TMEM237: variants seen among roughly 807,000 people sequenced by gnomAD.
TMEM237 encodes transmembrane protein 237.
TMEM237 carries 51 observed loss-of-function variants against 59.1 expected under a neutral mutation model. That is an observed-to-expected ratio of 0.86 (90% CI 0.69 to 1.09). The LOEUF (loss-of-function observed/expected upper bound fraction) is 1.09. TMEM237 is among the 50% of genes least tolerant of loss of function. The pLI, the probability that TMEM237 is intolerant of heterozygous loss-of-function variation, is 0.00. For missense variants in TMEM237, 475 were observed against 478.3 expected (o/e 0.99, Z 0.06); for synonymous variants, 140 against 166.1 (o/e 0.84, Z 1.21).
chr2:201,642,709 G>C (rs1687452008), intron 1 of TMEM237: 1 of 1,568,026 alleles, frequency 6.4e-7, no homozygotes, highest in African/African-American at 1.4e-5. Flanking sequence ...GCGCGCAGGC[G>C]CAATGCGTCA....
chr2:201,638,766 C>T, intron 4 of TMEM237: 1 of 555,268 alleles, frequency 1.8e-6, no homozygotes, highest in Non-Finnish European at 3.2e-6. Context: ...GATGGCACCA[C>T]CTTCTATTCC....
At chr2:201,629,565 A>G in intron 8 of TMEM237, 144 bp from the exon 9 acceptor site, 1 of 1,266,198 alleles carries the variant, frequency 7.9e-7, no homozygotes, top group Non-Finnish European at 1.1e-6. Flanking sequence ...TTACACTGAT[A>G]GGTAGATCAC....
At chr2:201,627,461 TTTA>T in intron 10 of TMEM237, 47 bp from the exon 11 acceptor site, 1 of 1,281,136 alleles carries the variant, frequency 7.8e-7, no homozygotes. Flanking sequence ...AACAACCTGG[TTTA>T]TTTTGAATTT....
chr2:201,643,054 C>T lies in TMEM237; in HGVS notation c.42+305G>A. The T allele has an allele frequency of 6.6e-6, 8 of 1,216,978 alleles. No homozygotes were observed. Among genetic ancestry groups the T allele is most frequent in the Non-Finnish European group, 8.5e-6 (8 of 943,346 alleles). 75.4% of individuals were successfully genotyped at this position (1,216,978 alleles called of 1,614,324 possible). On this transcript the variant is annotated intron_variant, in intron 1 of 12. Coordinates refer to ENST00000409883, the MANE Select transcript of TMEM237 (RefSeq NM_001044385.3). The surrounding 1 kb of genome is among the most constrained non-coding windows in gnomAD (Gnocchi z 4.3). ...AGTCTAGGAGAGGCCTGGCTGGAAG[C>T]CCCGGCACCCGCCGGGCCCCGGGCC... is the stretch of plus-strand genomic sequence containing the variant.
intron 4 of TMEM237, among the ~76,000 whole-genome samples, chr2:201,638,287 C>A (rs1168802461): frequency 2.0e-5 from 3 of 152,108 alleles, no homozygotes; most frequent in African/African-American, 7.2e-5. Context: ...GCAGCAACCA[C>A]AGAAACCTTT....
chr2:201,638,920 T>A (rs892426509), intron 4 of TMEM237, 69 bp downstream of exon 4: 11 of 1,436,620 alleles, frequency 7.7e-6, no homozygotes, highest in Admixed American at 6.4e-5. Context: ...CTCCCTTATC[T>A]GTGATGTTTA....
Position 201,643,288 on chromosome 2 carries a change from A to ACCCCCC in TMEM237, c.42+70_42+71insGGGGGG. The ACCCCCC allele has an allele frequency of 9.1e-7, 1 of 1,098,330 alleles. No homozygotes were observed. 68.0% of individuals were successfully genotyped at this position (1,098,330 alleles called of 1,614,324 possible). On this transcript the variant is annotated intron_variant, in intron 1 of 12. Transcript: ENST00000409883. The surrounding 1 kb of genome is among the most constrained non-coding windows in gnomAD (Gnocchi z 4.3). ...AGCTCGTTGGCGCCCCCCCACACAC[A>ACCCCCC]CCCACCCCCACTGCCAAGTGTAGCT...
intron 4 of TMEM237, among the ~76,000 whole-genome samples, chr2:201,637,148 G>A (rs1383268113): frequency 6.6e-6 from 1 of 152,150 alleles, no homozygotes; most frequent in African/African-American, 2.4e-5. Flanking sequence ...AGGAGGAGGA[G>A]AAATTGCTTC....
chr2:201,643,088 G>T lies in TMEM237; in HGVS notation c.42+271C>A. On this transcript the variant is annotated intron_variant, in intron 1 of 12. Coordinates refer to ENST00000409883, the MANE Select transcript of TMEM237 (RefSeq NM_001044385.3). The surrounding 1 kb of genome is among the most constrained non-coding windows in gnomAD (Gnocchi z 4.3). ...CCGCCGGGCCCCGGGCCTCAGATGA[G>T]TGAGGCGTCGTCGTGGCAACGCGGG... 1 of 1,016,554 alleles carries T rather than the reference G, an allele frequency of 9.8e-7. No homozygotes were observed. Among genetic ancestry groups the T allele is most frequent in the Non-Finnish European group, 1.3e-6 (1 of 749,282 alleles). The allele number at this position is 1,016,554 out of a possible 1,614,324, so 63.0% of individuals were successfully genotyped here.
intron 1 of TMEM237, among the ~76,000 whole-genome samples, chr2:201,641,258 G>A (rs975271039): frequency 6.6e-6 from 1 of 152,262 alleles, no homozygotes; most frequent in African/African-American, 2.4e-5. Context: ...TCTGAAAGTG[G>A]TGGGATTATA....
Position 201,633,349 on chromosome 2 carries a change from A to AGCTG in TMEM237, c.353_356dup (p.Glu120SerfsTer2). 1 of 1,598,382 alleles carries AGCTG rather than the reference A, an allele frequency of 6.3e-7. No individual in the cohort carries two copies. Among genetic ancestry groups the AGCTG allele is most frequent in the Admixed American group, 1.7e-5 (1 of 58,124 alleles). On this transcript the variant is annotated frameshift_variant, in exon 6 of 13. Coordinates refer to ENST00000409883, the MANE Select transcript of TMEM237 (RefSeq NM_001044385.3). LOFTEE classifies it high-confidence loss of function. ...GAGGTTTTTGAATAACTGCCTCCTC[A>AGCTG]GCTGGCTCCGCATCAATACCATTTT...
intron 5 of TMEM237, among the ~76,000 whole-genome samples, chr2:201,634,024 G>T (rs1181102068): frequency 6.6e-6 from 1 of 152,226 alleles, no homozygotes; most frequent in African/African-American, 2.4e-5. Context: ...AAGGGAAACA[G>T]ATGTTCAGCA....
Position 201,627,437 on chromosome 2 carries a change from T to G in TMEM237, c.944-23A>C, listed in dbSNP as rs199933577. ...ACACTGAGAAAAAGACAAATGAAAT[T>G]ACTAATAATTTTTAACAACCTGGTT... On this transcript the variant is annotated intron_variant, in intron 10 of 12. Coordinates refer to ENST00000409883, the MANE Select transcript of TMEM237 (RefSeq NM_001044385.3). The G allele has an allele frequency of 6.8e-4, 1,001 of 1,463,644 alleles. 1 individual carries two copies. The highest frequency in any genetic ancestry group is 1.4e-3 in the Admixed American group (69 of 49,374). 90.7% of individuals were successfully genotyped at this position (1,463,644 alleles called of 1,614,324 possible). A position where few individuals can be genotyped will look rare whatever the true frequency, so the allele number is the denominator to read the frequency against.
chr2:201,625,231 G>A (rs931962822), intron 12 of TMEM237, among the ~76,000 whole-genome samples: 75 of 151,838 alleles, frequency 4.9e-4, no homozygotes, highest in African/African-American at 1.4e-3. Context: ...GCGTGGTGGC[G>A]GGCGCCTGTA....
chr2:201,638,024 T>G (rs772924712), intron 4 of TMEM237, among the ~76,000 whole-genome samples: 3 of 152,216 alleles, frequency 2.0e-5, no homozygotes, highest in Non-Finnish European at 4.4e-5. Context: ...GCAATTCCAC[T>G]GCTAGCAATC....
intron 12 of TMEM237, 126 bp downstream of exon 12, chr2:201,625,900 G>A (rs1045981401): frequency 2.8e-5 from 29 of 1,023,986 alleles, no homozygotes; most frequent in South Asian, 1.0e-4. Flanking sequence ...CTCTCTTCTT[G>A]TATCATTTTA....
In TMEM237 at chr2:201,622,798, CATT is replaced by C. The variant is rs1957720554; in HGVS notation, c.*1454_*1456del. On this transcript the variant is annotated 3_prime_UTR_variant, in exon 13 of 13. Transcript: ENST00000409883. ...TTAGGACATGGACATCTTTAGGAGACATTATGCAGCCTACCACAATCCCCCACA... is the reference window on the plus strand; with the variant it reads ...TTAGGACATGGACATCTTTAGGAGACATGCAGCCTACCACAATCCCCCACA... The C allele has an allele frequency of 6.5e-6, 1 of 153,520 alleles. No individual in the cohort carries two copies. The highest frequency in any genetic ancestry group is 2.4e-5 in the African/African-American group (1 of 41,468). 9.5% of individuals were successfully genotyped at this position (153,520 alleles called of 1,614,324 possible).
At chr2:201,636,235 T>A (rs1687294982) in intron 5 of TMEM237, 1 of 152,342 alleles carries the variant, frequency 6.6e-6, no homozygotes, top group South Asian at 2.1e-4. Context: ...ACAGGCTGTA[T>A]CTATGCTCCT....
rs1319201699 is a variant in TMEM237, at chr2:201,643,370, C to T, written c.31G>A (p.Glu11Lys). MRTDSGARLE[E>K]GHLRPPRALP... Reference sequence around the variant, plus strand: ...CCCTCGCCGCTCACCAGGTGGCCCTCCTCCAGCCGAGCCCCCGAGTCAGTC... The same window carrying T: ...CCCTCGCCGCTCACCAGGTGGCCCTTCTCCAGCCGAGCCCCCGAGTCAGTC... The change falls in exon 1 of 13, where the codon GAG (glutamate) becomes AAG (lysine). Residue 11 changes from glutamate to lysine, a missense_variant. Glu to Lys is a moderately conservative substitution (Grantham distance 56). Transcript: ENST00000409883. The surrounding 1 kb of genome is among the most constrained non-coding windows in gnomAD (Gnocchi z 4.3). 2 of 1,546,642 alleles carry T rather than the reference C, an allele frequency of 1.3e-6. No individual in the cohort carries two copies. Among genetic ancestry groups the T allele is most frequent in the Non-Finnish European group, 1.7e-6 (2 of 1,145,278 alleles).
Sources: gnomAD v4.1 joint callset for allele counts (sites outside exome capture counted in the v4.1 genomes callset) on GRCh38, gnomAD v4.1.1 for gene constraint, Gnocchi (gnomAD v3.1) non-coding constraint, MANE v1.5 for transcripts, NCBI Gene and HGNC (gene_info 2026-07-23, HGNC 2026-07-21) for gene names.